Variants in XXYLT1 observed in about 807,000 individuals in gnomAD.
The protein encoded by XXYLT1 is UDP-xylose:alpha-xyloside alpha-1,3-xylosyltransferase.
XXYLT1 carries 20 observed loss-of-function variants against 28.9 expected under a neutral mutation model. The ratio of observed to expected loss-of-function variants is 0.69; its 90% CI spans 0.49 to 1.00. The LOEUF is 1.00. XXYLT1 is among the 50% of genes least tolerant of loss of function. The pLI is 0.00. For missense variants in XXYLT1, 542 were observed against 560.1 expected (o/e 0.97, Z 0.33); for synonymous variants, 257 against 253.8 (o/e 1.01, Z -0.12).
intron 3 of XXYLT1, among the ~76,000 whole-genome samples, chr3:195,110,925 T>C (rs1717675375): frequency 1.5e-5 from 1 of 67,638 alleles, no homozygotes; most frequent in Admixed American, 1.6e-4. Flanking sequence ...GTGTGTGTGG[T>C]GTGTGTGAGG....
At chr3:195,098,922 C>A (rs1177998277) in intron 3 of XXYLT1, among the ~76,000 whole-genome samples, 1 of 152,212 alleles carries the variant, frequency 6.6e-6, no homozygotes, top group Non-Finnish European at 1.5e-5. Context: ...GAGCCCTGAG[C>A]GGCCCTGTTG....
At chr3:195,128,089 G>C (rs1718727419) in intron 3 of XXYLT1, among the ~76,000 whole-genome samples, 1 of 152,114 alleles carries the variant, frequency 6.6e-6, no homozygotes, top group South Asian at 2.1e-4. Flanking sequence ...CTGCAACGGG[G>C]CCAGGGAAGC....
chr3:195,164,639 C>A (rs1462301568), intron 2 of XXYLT1, among the ~76,000 whole-genome samples: 1 of 152,212 alleles, frequency 6.6e-6, no homozygotes, highest in African/African-American at 2.4e-5. Flanking sequence ...ACTATTTCTG[C>A]AATGCCCAGA....
At chr3:195,182,619 C>A (rs144413356) in intron 2 of XXYLT1, among the ~76,000 whole-genome samples, 1 of 152,296 alleles carries the variant, frequency 6.6e-6, no homozygotes, top group East Asian at 1.9e-4. Flanking sequence ...TCTCCCTCCT[C>A]CCCCACTCCC....
rs1428697903 is a variant in XXYLT1 at position 195,240,575 on chromosome 3, T to C, written c.505-13719A>G. ...GCCCCACGCACGGAAAGATGCCAGG[T>C]TTCCCGGAAATCCCAAGGCCTGTTT... On this transcript the variant is annotated intron_variant, in intron 1 of 3. Transcript: ENST00000310380. The surrounding 1 kb of genome is among the most constrained non-coding windows in gnomAD (Gnocchi z 4.7). 6.6e-6 allele frequency among the ~76,000 whole-genome samples: 1 copy of C among 152,164 alleles called. No individual in the cohort carries two copies. The highest frequency in any genetic ancestry group is 1.5e-5 in the Non-Finnish European group (1 of 68,026).
At chr3:195,123,899 C>T (rs1298540580) in intron 3 of XXYLT1, among the ~76,000 whole-genome samples, 3 of 152,192 alleles carry the variant, frequency 2.0e-5, no homozygotes, top group African/African-American at 7.2e-5. Flanking sequence ...AAGACCTTTG[C>T]AGCAAATTCC....
intron 1 of XXYLT1, among the ~76,000 whole-genome samples, chr3:195,252,727 C>CACAGAGAGAGAGAG (rs1191544595): frequency 8.4e-6 from 1 of 119,010 alleles, no homozygotes; most frequent in African/African-American, 4.0e-5. Flanking sequence ...CACACACACA[C>CACAGAGAGAGAGAG]AGAGAGAGAG....
At chr3:195,249,860 C>A (rs1025759883) in intron 1 of XXYLT1, among the ~76,000 whole-genome samples, 1 of 152,210 alleles carries the variant, frequency 6.6e-6, no homozygotes, top group African/African-American at 2.4e-5. Flanking sequence ...ACATCCCAAC[C>A]TAGTAGCGGC....
chr3:195,167,287 T>C (rs1721175964), intron 2 of XXYLT1, among the ~76,000 whole-genome samples: 1 of 152,224 alleles, frequency 6.6e-6, no homozygotes, highest in South Asian at 2.1e-4. Context: ...GATTCTTGTC[T>C]AAATAAATTA....
chr3:195,113,288 G>A lies in XXYLT1; in HGVS notation c.785+43161C>T, dbSNP rs184264362. ...ACATCTGGCGGGAGCTCGGAAAAACGCCAGTTTCTGACACTATCTTCGACA... is the reference window on the plus strand; with the variant it reads ...ACATCTGGCGGGAGCTCGGAAAAACACCAGTTTCTGACACTATCTTCGACA... On this transcript the variant is annotated intron_variant, in intron 3 of 3. Coordinates refer to ENST00000310380, the MANE Select transcript of XXYLT1 (RefSeq NM_152531.5). Among the ~76,000 whole-genome samples the A allele has an allele frequency of 1.8e-3, 269 of 152,298 alleles. 6 individuals carry two copies. Among genetic ancestry groups the A allele is most frequent in the Non-Finnish European group, 3.2e-4 (22 of 68,028 alleles).
chr3:195,177,383 T>C (rs1325888229), intron 2 of XXYLT1, among the ~76,000 whole-genome samples: 5 of 152,310 alleles, frequency 3.3e-5, no homozygotes, highest in South Asian at 4.1e-4. Flanking sequence ...CTCTTGACTC[T>C]TGAATGTGTT....
At chr3:195,202,660 T>C (rs771855127) in intron 2 of XXYLT1, among the ~76,000 whole-genome samples, 1 of 152,204 alleles carries the variant, frequency 6.6e-6, no homozygotes, top group East Asian at 1.9e-4. Flanking sequence ...CCCCTAAGAA[T>C]ACTTGTTGAT....
intron 1 of XXYLT1, among the ~76,000 whole-genome samples, chr3:195,269,326 G>A (rs762099739): frequency 5.3e-5 from 8 of 152,238 alleles, no homozygotes; most frequent in Admixed American, 2.6e-4. Flanking sequence ...CCTGGGACAG[G>A]TTGCCAGGCT....
intron 3 of XXYLT1, among the ~76,000 whole-genome samples, chr3:195,106,361 T>TGTTGTGTTTTTGATGGAGA (rs1560097414): frequency 1.1e-4 from 16 of 152,176 alleles, no homozygotes; most frequent in African/African-American, 3.9e-4. Flanking sequence ...GAGATGCTCT[T>TGTTGTGTTTTTGATGGAGA]GCTCCGCACT....
chr3:195,234,062 G>A (rs895365974), intron 1 of XXYLT1, among the ~76,000 whole-genome samples: 2 of 148,828 alleles, frequency 1.3e-5, no homozygotes, highest in African/African-American at 2.5e-5. Flanking sequence ...GACTACAGAC[G>A]CCCGCCACTA....
chr3:195,138,819 C>T (rs1719328515), intron 3 of XXYLT1, among the ~76,000 whole-genome samples: 1 of 138,152 alleles, frequency 7.2e-6, no homozygotes, highest in Non-Finnish European at 1.5e-5. Context: ...TGCACCACTG[C>T]AGTCCAGCCT....
chr3:195,157,136 A>G (rs1037072451), intron 2 of XXYLT1, among the ~76,000 whole-genome samples: 1 of 150,034 alleles, frequency 6.7e-6, no homozygotes, highest in East Asian at 2.0e-4. Context: ...CCAGCTAGTC[A>G]GTAGGCTGAG....
intron 2 of XXYLT1, 77 bp downstream of exon 2, chr3:195,226,632 T>C (rs993882466): frequency 4.5e-6 from 7 of 1,542,786 alleles, no homozygotes; most frequent in Non-Finnish European, 6.1e-6. Flanking sequence ...ATACAGGGCC[T>C]GGGCAGTGTT....
At position 195,176,765 on chromosome 3, in the gene XXYLT1, A is replaced by G. The variant is rs1349056275; in HGVS notation, c.653-20184T>C. 1.3e-5 allele frequency among the ~76,000 whole-genome samples: 2 copies of G among 152,222 alleles called. No individual in the cohort carries two copies. Among genetic ancestry groups the G allele is most frequent in the East Asian group, 3.8e-4 (2 of 5,196 alleles). On this transcript the variant is annotated intron_variant, in intron 2 of 3. Transcript: ENST00000310380. The surrounding 1 kb of genome is among the most constrained non-coding windows in gnomAD (Gnocchi z 4.9). ...CAGATGTTTGGGGTTGGAATTGACA[A>G]TATGAAAAGCTCAGTAAGAAGACGC... is the stretch of plus-strand genomic sequence containing the variant.
Sources: allele counts gnomAD v4.1 joint callset (sites outside exome capture counted in the v4.1 genomes callset), GRCh38; gene constraint gnomAD v4.1.1; non-coding constraint Gnocchi (gnomAD v3.1); transcripts MANE v1.5; gene names NCBI Gene and HGNC (gene_info 2026-07-23, HGNC 2026-07-21).